Variants in MED15 observed in about 807,000 individuals in gnomAD.
The protein encoded by MED15 is mediator of RNA polymerase II transcription subunit 15.
Under a neutral mutation model 118.7 loss-of-function variants are expected in MED15, and 41 were observed. The observed-to-expected ratio is 0.35, with a 90% CI of 0.27 to 0.45. MED15 has a LOEUF of 0.45. MED15 is among the 20% of genes least tolerant of loss of function. MED15 has a pLI of 1.00. For missense variants in MED15, 740 were observed against 1,025.5 expected, an observed-to-expected ratio of 0.72 and a Z score of 3.80; for synonymous variants, 436 against 413.9, an observed-to-expected ratio of 1.05 and a Z score of -0.65.
chr22:20,585,553 C>G (rs1248251467), intron 16 of MED15, 175 bp from the exon 17 acceptor site: 2 of 702,262 alleles, frequency 2.8e-6, no homozygotes, highest in Admixed American at 2.5e-5. Flanking sequence ...CCCATCAATG[C>G]AGAGCACTCC....
chr22:20,579,084 G>A (rs2056903643), intron 9 of MED15, among the ~76,000 whole-genome samples: 1 of 152,238 alleles, frequency 6.6e-6, no homozygotes, highest in African/African-American at 2.4e-5. Flanking sequence ...GCAGATGTAA[G>A]CAGGCAGTGT....
intron 10 of MED15, 32 bp downstream of exon 10, chr22:20,582,779 T>C: frequency 6.7e-7 from 1 of 1,487,626 alleles, no homozygotes; most frequent in East Asian, 2.7e-5. Flanking sequence ...CCTCCCCACC[T>C]GGCCCTCGAG....
intron 2 of MED15, chr22:20,550,951 G>T: frequency 2.8e-6 from 1 of 355,376 alleles, no homozygotes; most frequent in South Asian, 2.1e-5. Flanking sequence ...GGGCCGCCCA[G>T]ATTTTCAGCA....
At chr22:20,555,295 G>A (rs2055951881) in intron 5 of MED15, 147 bp downstream of exon 5, 2 of 928,138 alleles carry the variant, frequency 2.2e-6, no homozygotes, top group African/African-American at 1.7e-5. Flanking sequence ...TGTTGTATGT[G>A]GAGAGAAAAG....
At chr22:20,558,909 G>C (rs1306331718) in intron 5 of MED15, among the ~76,000 whole-genome samples, 1 of 152,150 alleles carries the variant, frequency 6.6e-6, no homozygotes, top group African/African-American at 2.4e-5. Flanking sequence ...ACACCATGAA[G>C]GTGAACAGAA....
At position 20,587,163 on chromosome 22, in the gene MED15, T is replaced by C. The variant is rs741191; in HGVS notation, c.*459T>C. On this transcript the variant is annotated 3_prime_UTR_variant, in exon 18 of 18. Coordinates refer to ENST00000263205, the MANE Select transcript of MED15 (RefSeq NM_001003891.3). ...TGGTCACAGTTTTGGGTTCAGGCTA[T>C]GCTGCTTTGGGCAGGTGGAGCACCC... 0.062 allele frequency: 10,398 copies of C among 168,724 alleles called. 743 individuals are homozygous for C. Among genetic ancestry groups the C allele is most frequent in the East Asian group, 0.38 (2,285 of 6,026 alleles). The allele number at this position is 168,724 out of a possible 1,614,324, so 10.5% of individuals were successfully genotyped here.
At position 20,585,034 on chromosome 22, in the gene MED15, G is replaced by C. The variant is rs1481043672; in HGVS notation, c.1964+19G>C. 3.1e-6 allele frequency: 5 copies of C among 1,613,754 alleles called. No individual in the cohort carries two copies. Among genetic ancestry groups the C allele is most frequent in the Non-Finnish European group, 4.2e-6 (5 of 1,179,936 alleles). ...CCATCACGTATGTCCAGCTGGGCTG[G>C]GCTTTGCGGAGGGCGGCCAGCCCTG... On this transcript the variant is annotated intron_variant, in intron 15 of 17. Coordinates refer to ENST00000263205, the MANE Select transcript of MED15 (RefSeq NM_001003891.3).
intron 9 of MED15, among the ~76,000 whole-genome samples, chr22:20,577,243 CCTT>C (rs367779891): frequency 6.6e-6 from 1 of 152,186 alleles, no homozygotes; most frequent in Non-Finnish European, 1.5e-5. Context: ...CCTGGCTTCT[CCTT>C]CTTGTTTACT....
At chr22:20,540,110 T>A (rs1027730679) in intron 2 of MED15, among the ~76,000 whole-genome samples, 5 of 152,042 alleles carry the variant, frequency 3.3e-5, no homozygotes, top group Admixed American at 3.3e-4. Context: ...GGGGTGTTAG[T>A]GATGCATTGT....
intron 9 of MED15, among the ~76,000 whole-genome samples, chr22:20,581,106 C>T (rs1330869325): frequency 6.6e-6 from 1 of 152,216 alleles, no homozygotes; most frequent in Non-Finnish European, 1.5e-5. Context: ...TGTGGTCACG[C>T]TCTGTGCCTT....
intron 16 of MED15, 76 bp from the exon 17 acceptor site, chr22:20,585,652 C>T (rs1459609942): frequency 1.6e-5 from 22 of 1,378,306 alleles, no homozygotes; most frequent in Non-Finnish European, 2.3e-5. Flanking sequence ...GTGTGGAGTC[C>T]TGTTCCAGAG....
intron 2 of MED15, among the ~76,000 whole-genome samples, chr22:20,539,694 A>G (rs1484162755): frequency 6.6e-6 from 1 of 152,144 alleles, no homozygotes; most frequent in Non-Finnish European, 1.5e-5. Context: ...TTAAATTCTC[A>G]CCAGCAGCTT....
At chr22:20,524,861 C>G (rs1218354628) in intron 1 of MED15, among the ~76,000 whole-genome samples, 1 of 152,122 alleles carries the variant, frequency 6.6e-6, no homozygotes, top group Non-Finnish European at 1.5e-5. Flanking sequence ...GATCCGCCTG[C>G]CTTGGCCTCC....
chr22:20,538,097 A>T (rs1040151127), intron 2 of MED15, among the ~76,000 whole-genome samples: 3 of 152,248 alleles, frequency 2.0e-5, no homozygotes, highest in African/African-American at 7.2e-5. Flanking sequence ...CATCACCAAA[A>T]TCTAATTTTG....
At position 20,586,788 on chromosome 22, in the gene MED15, T is replaced by C; in HGVS notation, c.*84T>C. On this transcript the variant is annotated 3_prime_UTR_variant, in exon 18 of 18. Coordinates refer to ENST00000263205, the MANE Select transcript of MED15 (RefSeq NM_001003891.3). Reference sequence around the variant, plus strand: ...AGACACTTCTAGGTGTTGGCTTCCTTAGAGAGCCTGGGGTTAGGTTAGCTT... The same window carrying C: ...AGACACTTCTAGGTGTTGGCTTCCTCAGAGAGCCTGGGGTTAGGTTAGCTT... 6.4e-7 allele frequency: 1 copy of C among 1,555,558 alleles called. No homozygotes were observed. Among genetic ancestry groups the C allele is most frequent in the Non-Finnish European group, 8.7e-7 (1 of 1,149,534 alleles).
At chr22:20,524,611 TTTTTTTGTTTTGTTTTG>T (rs1175109346) in intron 1 of MED15, among the ~76,000 whole-genome samples, 1 of 151,642 alleles carries the variant, frequency 6.6e-6, no homozygotes, top group Non-Finnish European at 1.5e-5. Context: ...TGTGGCAGGT[TTTTTTTGTTTTGTTTTG>T]TTTTTTGTTT....
chr22:20,557,766 GT>G (rs1466669538), intron 5 of MED15, among the ~76,000 whole-genome samples: 4 of 152,196 alleles, frequency 2.6e-5, no homozygotes, highest in African/African-American at 9.7e-5. Flanking sequence ...CCCACATCCT[GT>G]TTTTAGCTTC....
chr22:20,572,690 G>A (rs2056702215), intron 8 of MED15, among the ~76,000 whole-genome samples: 1 of 152,218 alleles, frequency 6.6e-6, no homozygotes, highest in Non-Finnish European at 1.5e-5. Context: ...AAGCCAAGGT[G>A]AGAGGATCAC....
intron 5 of MED15, among the ~76,000 whole-genome samples, chr22:20,559,495 A>G (rs2056146988): frequency 6.6e-6 from 1 of 152,220 alleles, no homozygotes; most frequent in African/African-American, 2.4e-5. Context: ...AGAGAATGGA[A>G]GAAAACAATA....
Sources: gnomAD v4.1 joint callset for allele counts (sites outside exome capture counted in the v4.1 genomes callset) on GRCh38, gnomAD v4.1.1 for gene constraint, MANE v1.5 for transcripts, NCBI Gene and HGNC (gene_info 2026-07-23, HGNC 2026-07-21) for gene names.